The following NSUN2 variants were observed in gnomAD, a reference collection of about 807,000 sequenced individuals.
The protein encoded by NSUN2 is RNA cytosine C(5)-methyltransferase NSUN2.
In NSUN2, 63 loss-of-function variants were observed where a neutral mutation model predicts 92.7. The ratio of observed to expected loss-of-function variants is 0.68; its 90% CI spans 0.56 to 0.84. NSUN2 has a LOEUF of 0.84. Among genes scored for constraint, NSUN2 ranks in the 40% least tolerant of loss-of-function variants. NSUN2 has a pLI of 0.00. For missense variants in NSUN2, 989 were observed against 964.9 expected (o/e 1.02, Z -0.33); for synonymous variants, 356 against 348.3 (o/e 1.02, Z -0.25).
rs1737626029 is a variant in NSUN2, at chr5:6,625,667, T to C, written c.362A>G (p.Tyr121Cys). ...TGTGTGCCAGGCAAGTTCTTCAGGA[T>C]ACCTGACCAAAAAGAAAGCAAAACA... Reference protein sequence around the residue: ...KVEVPQPLSWYPEELAWHTNL... With the variant: ...KVEVPQPLSWCPEELAWHTNL... The change falls in exon 4 of 19, where the codon TAT (tyrosine) becomes TGT (cysteine). Residue 121 changes from tyrosine to cysteine, a missense_variant and splice_region_variant. Physicochemically the swap from Tyr to Cys is radical, Grantham distance 194. Transcript: ENST00000264670. 2 of 1,611,588 alleles carry C rather than the reference T, an allele frequency of 1.2e-6. No individual in the cohort carries two copies. The highest frequency in any genetic ancestry group is 1.3e-5 in the African/African-American group (1 of 74,886).
intron 4 of NSUN2, among the ~76,000 whole-genome samples, chr5:6,624,758 G>T (rs1306141465): frequency 6.6e-6 from 1 of 152,090 alleles, no homozygotes; most frequent in Non-Finnish European, 1.5e-5. Flanking sequence ...AGGCCAAAGT[G>T]AAAAAGAACC....
In NSUN2 at chr5:6,606,871, T is replaced by C; in HGVS notation, c.1550A>G (p.Glu517Gly). ...SKKMKLFGFK[E>G]DPFVFIPEDD... ...TTCAGGAATAAATACAAATGGATCT[T>C]CTTTAAATCCAAATAACTTCATTTT... Residue 517 changes from glutamate (E) to glycine (G), a missense_variant, in exon 14 of 19, where the codon GAA (glutamate) becomes GGA (glycine). By Grantham distance (98) the Glu-to-Gly change is moderately conservative. Around this residue, in one of 3 missense-constraint regions of NSUN2, gnomAD observed 626 missense variants for 602.3 expected, o/e 1.04. Coordinates refer to ENST00000264670, the MANE Select transcript of NSUN2 (RefSeq NM_017755.6). 6.3e-7 allele frequency: 1 copy of C among 1,597,390 alleles called. No homozygotes were observed.
At position 6,611,004 on chromosome 5, in the gene NSUN2, A is replaced by T. The variant is rs1334869714; in HGVS notation, c.1177T>A (p.Phe393Ile). 1.9e-6 allele frequency: 3 copies of T among 1,614,040 alleles called. No individual in the cohort carries two copies. In the African/African-American group the frequency reaches 4.0e-5, roughly 22 times the overall value. The change falls in exon 11 of 19, where the codon TTC becomes ATC. Residue 393 changes from phenylalanine (F) to isoleucine (I), a missense_variant. Physicochemically the swap from Phe to Ile is conservative, Grantham distance 21. Transcript: ENST00000264670. ...AGCTTTTCTGGGTCCTTCGGAGGGA[A>T]CATGGTAGGTCGGATCTGGGTGTGT... Reference protein sequence around the residue: ...SRHTQIRPTMFPPKDPEKLQA... With the variant: ...SRHTQIRPTMIPPKDPEKLQA...
In NSUN2 at chr5:6,605,399, A is replaced by G. The variant is rs1291566409; in HGVS notation, c.1611T>C (p.Tyr537=). The G allele has an allele frequency of 6.2e-7, 1 of 1,613,892 alleles. No individual in the cohort carries two copies. Among genetic ancestry groups the G allele is most frequent in the Non-Finnish European group, 8.5e-7 (1 of 1,179,960 alleles). ...TCCTTGGGAATGAAGGATCCAAAGC[A>G]TAAAATTTCCTGTACATAACAACAT... is the stretch of plus-strand genomic sequence containing the variant. The part of the protein sequence containing the change: ...DPLFPPIEKF[Y]ALDPSFPRMN... The change falls in exon 15 of 19, where the codon TAT becomes TAC. Residue 537 remains tyrosine, a synonymous_variant. Transcript: ENST00000264670.
chr5:6,599,669 AAC>A lies in NSUN2; in HGVS notation c.*255_*256del. The A allele has an allele frequency of 2.3e-6, 1 of 434,894 alleles. No homozygotes were observed. The highest frequency in any genetic ancestry group is 3.9e-5 in the Admixed American group (1 of 25,474). The allele number at this position is 434,894 out of a possible 1,614,324, so 26.9% of individuals were successfully genotyped here. On this transcript the variant is annotated 3_prime_UTR_variant, in exon 19 of 19. Coordinates refer to ENST00000264670, the MANE Select transcript of NSUN2 (RefSeq NM_017755.6). ...TTGAAAGTCTATTCCCAGCAAAAGA[AAC>A]ACTAGACCCAGCTTGGCCAAAGAAA... is the stretch of plus-strand genomic sequence containing the variant.
chr5:6,632,619 T>C lies in NSUN2; in HGVS notation c.234A>G (p.Leu78=). The C allele has an allele frequency of 6.2e-7, 1 of 1,614,088 alleles. No homozygotes were observed. Among genetic ancestry groups the C allele is most frequent in the Non-Finnish European group, 8.5e-7 (1 of 1,180,002 alleles). The change falls in exon 2 of 19, where the codon TTA becomes TTG. Residue 78 remains leucine (L), a synonymous_variant. Coordinates refer to ENST00000264670, the MANE Select transcript of NSUN2 (RefSeq NM_017755.6). ...CCTACCTTTTGTAACCAGTAATTCTTAAAGTGGCCGGGAGCGGCTCCCTGA... is the reference window on the plus strand; with the variant it reads ...CCTACCTTTTGTAACCAGTAATTCTCAAAGTGGCCGGGAGCGGCTCCCTGA... ...DALREPLPAT[L]RITGYKSHAK...
chr5:6,632,809 C>A (rs779809429), intron 1 of NSUN2, 53 bp from the exon 2 acceptor site: 104 of 1,580,060 alleles, frequency 6.6e-5, no homozygotes, highest in Non-Finnish European at 8.7e-5. Context: ...GCCCCCTCGC[C>A]GCCGCCTCGC....
chr5:6,610,247 T>C (rs1425199097), intron 11 of NSUN2, among the ~76,000 whole-genome samples: 1 of 147,332 alleles, frequency 6.8e-6, no homozygotes, highest in African/African-American at 2.7e-5. Context: ...TATTTTTCTT[T>C]TTTTTTTTCT....
intron 17 of NSUN2, 90 bp from the exon 18 acceptor site, chr5:6,602,590 T>A: frequency 8.8e-7 from 1 of 1,142,540 alleles, no homozygotes. Flanking sequence ...ATGTGTTAAG[T>A]ATTCTGAAGA....
intron 17 of NSUN2, 57 bp downstream of exon 17, chr5:6,604,081 T>G (rs1453558196): frequency 6.6e-7 from 1 of 1,526,042 alleles, no homozygotes; most frequent in Non-Finnish European, 8.9e-7. Context: ...ACCTGCATTT[T>G]TGCTGGCCTT....
chr5:6,626,731 T>C (rs1227584095), intron 3 of NSUN2, among the ~76,000 whole-genome samples: 3 of 152,226 alleles, frequency 2.0e-5, no homozygotes, highest in Non-Finnish European at 4.4e-5. Flanking sequence ...TGCAGCACCA[T>C]GCTCAATCCA....
At chr5:6,626,242 A>G (rs1265313193) in intron 3 of NSUN2, among the ~76,000 whole-genome samples, 2 of 152,246 alleles carry the variant, frequency 1.3e-5, no homozygotes, top group Non-Finnish European at 2.9e-5. Context: ...TTACCTATAT[A>G]TAACTAAGAA....
rs1736966481 is a variant in NSUN2, at chr5:6,611,072, T to C, written c.1109A>G (p.Asp370Gly). 6.2e-7 allele frequency: 1 copy of C among 1,614,154 alleles called. No homozygotes were observed. Residue 370 changes from aspartate to glycine, a missense_variant, in exon 11 of 19, where the codon GAT becomes GGT. Transcript: ENST00000264670. ...GTCCCAGTCTGTAAACCACTGCCCA[T>C]CTTTCGTCATTACCTGCAGAACCAC... ...GITQWKVMTK[D>G]GQWFTDWDAV...
At position 6,607,235 on chromosome 5, in the gene NSUN2, T is replaced by C; in HGVS notation, c.1473A>G (p.Leu491=). The change falls in exon 13 of 19, where the codon TTA becomes TTG. Residue 491 remains leucine (L), a synonymous_variant. Coordinates refer to ENST00000264670, the MANE Select transcript of NSUN2 (RefSeq NM_017755.6). ...CATCTTTCTTACTGCCATTATTCTC[T>C]AAATCCTCAGTTGCATGAGCTATTT... ...DTEIAHATED[L]ENNGSKKDGV... is the part of the protein sequence containing the mutation. 3 of 1,614,244 alleles carry C rather than the reference T, an allele frequency of 1.9e-6. No individual in the cohort carries two copies. Among genetic ancestry groups the C allele is most frequent in the Non-Finnish European group, 2.5e-6 (3 of 1,180,046 alleles).
chr5:6,632,196 G>A (rs901227998), intron 2 of NSUN2, among the ~76,000 whole-genome samples: 1 of 129,890 alleles, frequency 7.7e-6, no homozygotes, highest in African/African-American at 3.2e-5. Flanking sequence ...TCTCTCCTAA[G>A]CATATCCTAC....
intron 9 of NSUN2, among the ~76,000 whole-genome samples, chr5:6,612,454 G>A (rs558573268): frequency 6.6e-6 from 1 of 152,286 alleles, no homozygotes; most frequent in East Asian, 1.9e-4. Flanking sequence ...TAAGAGCTGT[G>A]AAAACACACT....
At position 6,622,223 on chromosome 5, in the gene NSUN2, T is replaced by A. The variant is rs1489497947; in HGVS notation, c.538-123A>T. 18 of 708,008 alleles carry A rather than the reference T, an allele frequency of 2.5e-5. No homozygotes were observed. In the Middle Eastern group the frequency reaches 9.3e-4, roughly 37 times the overall value. The allele number at this position is 708,008 out of a possible 1,614,324, so 43.9% of individuals were successfully genotyped here. A position where few individuals can be genotyped will look rare whatever the true frequency, so the allele number is the denominator to read the frequency against. On this transcript the variant is annotated intron_variant, in intron 5 of 18. Coordinates refer to ENST00000264670, the MANE Select transcript of NSUN2 (RefSeq NM_017755.6). The stretch of plus-strand genomic sequence containing the variant: ...TCTAAATATACTTCTTTACAGAGTC[T>A]ATAGCATGACATAATTTACTTTTAG...
chr5:6,605,373 A>G lies in NSUN2; in HGVS notation c.1637T>C (p.Met546Thr), dbSNP rs1243673827. The G allele has an allele frequency of 6.2e-7, 1 of 1,614,200 alleles. No homozygotes were observed. The highest frequency in any genetic ancestry group is 8.5e-7 in the Non-Finnish European group (1 of 1,180,012). The change falls in exon 15 of 19, where the codon ATG becomes ACG. Residue 546 changes from methionine (M) to threonine (T), a missense_variant. Met to Thr is a moderately conservative substitution (Grantham distance 81). Transcript: ENST00000264670. Reference protein sequence around the residue: ...FYALDPSFPRMNLLTRTTEGK... With the variant: ...FYALDPSFPRTNLLTRTTEGK... ...TTCTGTAGTCCGAGTTAACAAATTC[A>G]TCCTTGGGAATGAAGGATCCAAAGC...
Position 6,607,257 on chromosome 5 carries a change from A to T in NSUN2, c.1451T>A (p.Ile484Lys), listed in dbSNP as rs202193229. 212 of 1,614,032 alleles carry T rather than the reference A, an allele frequency of 1.3e-4. No individual in the cohort carries two copies. The highest frequency in any genetic ancestry group is 3.1e-5 in the Non-Finnish European group (37 of 1,180,026). Reference protein sequence around the residue: ...PSFTGTGDTEIAHATEDLENN... With the variant: ...PSFTGTGDTEKAHATEDLENN... ...CTCTAAATCCTCAGTTGCATGAGCT[A>T]TTTCTGTGTCACCAGTTCCTGTGAA... The change falls in exon 13 of 19, where the codon ATA becomes AAA. Residue 484 changes from isoleucine to lysine, a missense_variant. Transcript: ENST00000264670.
Sources: allele counts gnomAD v4.1 joint callset (sites outside exome capture counted in the v4.1 genomes callset), GRCh38; gene constraint gnomAD v4.1.1; regional missense constraint gnomAD v4.1.1; transcripts MANE v1.5; gene names NCBI Gene and HGNC (gene_info 2026-07-23, HGNC 2026-07-21).